The following RABGAP1 variants were observed in gnomAD, a reference collection of about 807,000 sequenced individuals.
RABGAP1 encodes rab GTPase-activating protein 1.
RABGAP1 carries 23 observed loss-of-function variants against 137.6 expected under a neutral mutation model. The ratio of observed to expected loss-of-function variants is 0.17; its 90% CI spans 0.12 to 0.24. RABGAP1 has a LOEUF of 0.24. RABGAP1 is among the 10% of genes least tolerant of loss of function. The pLI is 1.00. For missense variants in RABGAP1, 906 were observed against 1,275.8 expected, an observed-to-expected ratio of 0.71 and a Z score of 4.42; for synonymous variants, 451 against 450.7, an observed-to-expected ratio of 1.00 and a Z score of -0.01.
intron 2 of RABGAP1, among the ~76,000 whole-genome samples, chr9:122,963,022 A>C (rs1003829249): frequency 9.2e-5 from 14 of 152,250 alleles, no homozygotes; most frequent in African/African-American, 3.4e-4. Context: ...GGATTAGTCC[A>C]TCACAGACAT....
chr9:123,057,666 G>A (rs2033786456), intron 13 of RABGAP1, among the ~76,000 whole-genome samples: 2 of 152,232 alleles, frequency 1.3e-5, no homozygotes, highest in South Asian at 2.1e-4. Context: ...CCGGGCAGAG[G>A]CTGCAATCTC....
At chr9:123,062,757 G>T (rs560562972) in intron 13 of RABGAP1, 1 of 151,900 alleles carries the variant, frequency 6.6e-6, no homozygotes, top group African/African-American at 2.4e-5. Context: ...TACGTCCTGT[G>T]TACAGTTGAA....
chr9:123,064,805 C>G (rs1419917506), intron 13 of RABGAP1, among the ~76,000 whole-genome samples: 1 of 152,194 alleles, frequency 6.6e-6, no homozygotes, highest in African/African-American at 2.4e-5. Flanking sequence ...TTCCCATAGC[C>G]TGTTTGAATC....
chr9:122,962,452 T>C lies in RABGAP1; in HGVS notation c.150+5243T>C, dbSNP rs146791016. ...GGGAGAATTACTTGAGCCCAGGAGG[T>C]TGATGGTCTGGTGAGCCATGGTCAC... On this transcript the variant is annotated intron_variant, in intron 2 of 25. Transcript: ENST00000373647. 2.1e-3 allele frequency among the ~76,000 whole-genome samples: 321 copies of C among 151,734 alleles called. 4 individuals carry two copies. In the East Asian group the frequency reaches 0.053, roughly 25 times the overall value.
intron 21 of RABGAP1, among the ~76,000 whole-genome samples, chr9:123,093,427 G>A (rs894847953): frequency 1.3e-5 from 2 of 152,170 alleles, no homozygotes; most frequent in Non-Finnish European, 2.9e-5. Flanking sequence ...GACCATGTCC[G>A]AGTCCCCTCT....
At chr9:123,010,293 CAATT>C (rs2030683171) in intron 10 of RABGAP1, 57 bp from the exon 11 acceptor site, 1 of 1,406,514 alleles carries the variant, frequency 7.1e-7, no homozygotes. Flanking sequence ...AAAAACACTG[CAATT>C]AATTAAAAAC....
At chr9:123,029,098 A>G (rs966937419) in intron 13 of RABGAP1, among the ~76,000 whole-genome samples, 7 of 152,248 alleles carry the variant, frequency 4.6e-5, no homozygotes, top group African/African-American at 1.7e-4. Flanking sequence ...ATTGGGGTGT[A>G]GTGGCAAAGG....
chr9:123,009,288 T>C lies in RABGAP1; in HGVS notation c.1375-1066T>C, dbSNP rs183133070. On this transcript the variant is annotated intron_variant, in intron 10 of 25. Coordinates refer to ENST00000373647, the MANE Select transcript of RABGAP1 (RefSeq NM_012197.4). ...TTCTGTATTAAACAGTGCTTCAAGA[T>C]GATATTGAAAGAGCATGTTGCCACT... is the stretch of plus-strand genomic sequence containing the variant. Among the ~76,000 whole-genome samples, 7 of 152,346 alleles carry C rather than the reference T, an allele frequency of 4.6e-5. No homozygotes were observed. The East Asian group carries it at 1.3e-3, about 29-fold the overall frequency.
intron 25 of RABGAP1, among the ~76,000 whole-genome samples, chr9:123,102,378 G>A (rs1394661866): frequency 6.6e-6 from 1 of 152,294 alleles, no homozygotes; most frequent in East Asian, 1.9e-4. Flanking sequence ...GAGGGAACAA[G>A]TTCAGGATAA....
rs1225471692 is a variant in RABGAP1, at chr9:122,979,205, ATTC to A, written c.151-5277_151-5275del. On this transcript the variant is annotated intron_variant, in intron 2 of 25. Transcript: ENST00000373647. ...GAACCACTGCGCCCAGACTATAGTC[ATTC>A]TTATAAGGGTATAGAGGCATCCTAT... Among the ~76,000 whole-genome samples the A allele has an allele frequency of 8.5e-5, 13 of 152,276 alleles. 1 individual carries two copies. The East Asian group carries it at 2.1e-3, about 25-fold the overall frequency.
chr9:122,989,442 C>T lies in RABGAP1; in HGVS notation c.736C>T (p.His246Tyr). 2.5e-6 allele frequency: 4 copies of T among 1,614,024 alleles called. No individual in the cohort carries two copies. The highest frequency in any genetic ancestry group is 3.4e-6 in the Non-Finnish European group (4 of 1,179,998). The part of the protein sequence containing the change: ...SHYNAELFRI[H>Y]VFRCEIQEAV... ...TTACAATGCAGAGCTCTTCAGAATA[C>T]ACGTCTTCCGGTGTGAAATACAAGA... Residue 246 changes from histidine (H) to tyrosine (Y), a missense_variant, in exon 5 of 26, where the codon CAC (histidine) becomes TAC (tyrosine). By Grantham distance (83) the His-to-Tyr change is moderately conservative. Coordinates refer to ENST00000373647, the MANE Select transcript of RABGAP1 (RefSeq NM_012197.4).
chr9:123,029,460 GTTTGA>G (rs1380588237), intron 13 of RABGAP1: 1 of 1,497,470 alleles, frequency 6.7e-7, no homozygotes, highest in East Asian at 2.3e-5. Context: ...TTTGAAACCA[GTTTGA>G]TAAGTCCTTT....
At chr9:122,935,448 C>T in the RABGAP1 span, among the ~76,000 whole-genome samples, 2 of 152,124 alleles carry the variant, frequency 1.3e-5, no homozygotes, top group African/African-American at 4.8e-5. Context: ...ATTGATTCTC[C>T]TGCCTCAGCC....
chr9:123,032,882 T>C (rs150156911), intron 13 of RABGAP1, among the ~76,000 whole-genome samples: 2 of 152,330 alleles, frequency 1.3e-5, no homozygotes, highest in East Asian at 3.9e-4. Context: ...ATTTGTACCA[T>C]GAAACTTCCT....
intron 13 of RABGAP1, chr9:123,034,954 G>A (rs2032537726): frequency 3.7e-6 from 6 of 1,613,248 alleles, no homozygotes; most frequent in Non-Finnish European, 5.1e-6. Context: ...TAGATACATT[G>A]CCATTACTAA....
intron 6 of RABGAP1, among the ~76,000 whole-genome samples, chr9:122,993,330 G>A (rs1836843607): frequency 6.6e-6 from 1 of 152,050 alleles, no homozygotes; most frequent in South Asian, 2.1e-4. Context: ...GGAGTGCAAT[G>A]GCGTGATCTT....
Position 123,073,596 on chromosome 9 carries a change from TGACTATGG to T in RABGAP1, c.2030_2037del (p.Asp677AlafsTer29). ...TCAGTGTTCTGGTCAAGATCATGTT[TGACTATGG>T]GCTCAGGGAACTTTTCAAGCAAAAC... On this transcript the variant is annotated frameshift_variant, in exon 16 of 26. Transcript: ENST00000373647. LOFTEE classifies it high-confidence loss of function. 6.2e-7 allele frequency: 1 copy of T among 1,613,934 alleles called. No homozygotes were observed. Among genetic ancestry groups the T allele is most frequent in the Non-Finnish European group, 8.5e-7 (1 of 1,179,836 alleles).
chr9:122,945,964 T>C (rs1399104688), intron 1 of RABGAP1: 1 of 152,184 alleles, frequency 6.6e-6, no homozygotes, highest in African/African-American at 2.4e-5. Flanking sequence ...ATATGCAGAA[T>C]CCTTTGGGAA....
At chr9:123,041,951 T>A (rs1424325231) in intron 13 of RABGAP1, among the ~76,000 whole-genome samples, 1 of 152,122 alleles carries the variant, frequency 6.6e-6, no homozygotes, top group East Asian at 1.9e-4. Context: ...TGAATCCCCA[T>A]CCCACCTGAA....
Sources: allele counts gnomAD v4.1 joint callset (sites outside exome capture counted in the v4.1 genomes callset), GRCh38; gene constraint gnomAD v4.1.1; transcripts MANE v1.5; gene names NCBI Gene and HGNC (gene_info 2026-07-23, HGNC 2026-07-21).